NELL1: variants seen among roughly 807,000 people sequenced by gnomAD.
NELL1 encodes the protein protein kinase C-binding protein NELL1.
Under a neutral mutation model 107.4 loss-of-function variants are expected in NELL1, and 76 were observed. The ratio of observed to expected loss-of-function variants is 0.71; its 90% CI spans 0.59 to 0.86. The LOEUF (loss-of-function observed/expected upper bound fraction) is 0.86, where lower values mean the gene tolerates loss of function less well. NELL1 is among the 40% of genes least tolerant of loss of function. The probability of loss-of-function intolerance (pLI) is 0.00; values close to 1 mark genes in which losing one functional copy is unlikely to be tolerated. For synonymous variants in NELL1, 353 were observed against 341.2 expected, an observed-to-expected ratio of 1.03 and a Z score of -0.38; for missense variants, 1,024 against 1,005.5, an observed-to-expected ratio of 1.02 and a Z score of -0.25.
rs533321510 is a variant in NELL1 at position 20,672,432 on chromosome 11, C to G, written c.55+2654C>G. 8.5e-5 allele frequency among the ~76,000 whole-genome samples: 13 copies of G among 152,304 alleles called. No individual in the cohort carries two copies. The East Asian group carries it at 2.5e-3, about 29-fold the overall frequency. On this transcript the variant is annotated intron_variant, in intron 1 of 19. Transcript: ENST00000357134. ...GATATCAGGCACATTTTAATTAAAGCAAGACTGCAGTGCAGACACAGTTGC... is the reference window on the plus strand; with the variant it reads ...GATATCAGGCACATTTTAATTAAAGGAAGACTGCAGTGCAGACACAGTTGC...
intron 3 of NELL1, among the ~76,000 whole-genome samples, chr11:20,809,083 C>T (rs796926251): frequency 6.6e-6 from 1 of 152,112 alleles, no homozygotes; most frequent in Non-Finnish European, 1.5e-5. Flanking sequence ...TCTTGCTTCA[C>T]CTCCTCCTGA....
At chr11:21,182,557 A>C (rs1856850984) in intron 13 of NELL1, among the ~76,000 whole-genome samples, 1 of 151,898 alleles carries the variant, frequency 6.6e-6, no homozygotes, top group African/African-American at 2.4e-5. Context: ...ATATAACTAC[A>C]TATTAAAGAA....
chr11:21,493,912 G>A (rs992508722), intron 15 of NELL1, among the ~76,000 whole-genome samples: 1 of 151,896 alleles, frequency 6.6e-6, no homozygotes, highest in Admixed American at 6.6e-5. Flanking sequence ...ATATGCCGTG[G>A]TGTGGATCTA....
intron 15 of NELL1, among the ~76,000 whole-genome samples, chr11:21,416,908 C>G (rs189486220): frequency 3.7e-4 from 57 of 152,106 alleles, no homozygotes; most frequent in African/African-American, 1.3e-3. Context: ...TATCCTGTCT[C>G]AAGTTCATGA....
In NELL1 at chr11:21,573,193, G is replaced by A; in HGVS notation, c.2166G>A (p.Glu722=). ...SCQQCRCLEG[E]VDCWPLTCPN... ...TTGCTTTTCCTCTACAGGAAGGAGA[G>A]GTAGATTGCTGGCCACTCACTTGCC... Residue 722 remains glutamate (E), a synonymous_variant, in exon 19 of 20, where the codon GAG becomes GAA. Coordinates refer to ENST00000357134, the MANE Select transcript of NELL1 (RefSeq NM_006157.5). 1 of 1,611,578 alleles carries A rather than the reference G, an allele frequency of 6.2e-7. No homozygotes were observed. Among genetic ancestry groups the A allele is most frequent in the Non-Finnish European group, 8.5e-7 (1 of 1,178,398 alleles).
chr11:21,314,162 T>C (rs1411902674), intron 14 of NELL1, among the ~76,000 whole-genome samples: 2 of 151,980 alleles, frequency 1.3e-5, no homozygotes, highest in African/African-American at 4.8e-5. Context: ...AAACCTCTTT[T>C]CTTATAAATT....
At chr11:21,139,736 G>A (rs1281472052) in intron 13 of NELL1, among the ~76,000 whole-genome samples, 1 of 152,176 alleles carries the variant, frequency 6.6e-6, no homozygotes, top group African/African-American at 2.4e-5. Context: ...GGGTACTGTG[G>A]TAGATGCTAA....
intron 15 of NELL1, 86 bp from the exon 16 acceptor site, chr11:21,534,288 A>G: frequency 1.4e-6 from 2 of 1,476,602 alleles, no homozygotes; most frequent in African/African-American, 2.8e-5. Flanking sequence ...TGATATGTTG[A>G]CATGAGCATG....
chr11:20,806,278 GTGTGTGTT>G (rs945408084), intron 3 of NELL1, among the ~76,000 whole-genome samples: 5 of 150,266 alleles, frequency 3.3e-5, no homozygotes, highest in African/African-American at 4.9e-5. Flanking sequence ...GTGTGTGTGT[GTGTGTGTT>G]TGTGTTTGTG....
intron 15 of NELL1, among the ~76,000 whole-genome samples, chr11:21,406,242 C>A (rs966829769): frequency 1.3e-5 from 2 of 151,970 alleles, no homozygotes; most frequent in African/African-American, 4.8e-5. Flanking sequence ...TCTTCAGTCA[C>A]TTGCTTTTAT....
intron 14 of NELL1, among the ~76,000 whole-genome samples, chr11:21,327,426 ATG>A (rs1308474708): frequency 6.6e-6 from 1 of 152,042 alleles, no homozygotes; most frequent in Admixed American, 6.6e-5. Flanking sequence ...GTGAAGAAGG[ATG>A]TGTTTCCTTC....
At chr11:20,893,467 C>T (rs1849661190) in intron 5 of NELL1, among the ~76,000 whole-genome samples, 1 of 151,188 alleles carries the variant, frequency 6.6e-6, no homozygotes, top group Non-Finnish European at 1.5e-5. Flanking sequence ...TTAAAGTGTT[C>T]TAAGGCCTGA....
intron 2 of NELL1, among the ~76,000 whole-genome samples, chr11:20,680,585 A>T (rs936326693): frequency 2.0e-5 from 3 of 152,132 alleles, no homozygotes; most frequent in Non-Finnish European, 4.4e-5. Context: ...TTCTGTTCCA[A>T]AGGAAGGAAA....
In NELL1 at chr11:21,125,119, G is replaced by A. The variant is rs1855459241; in HGVS notation, c.1426+11405G>A. Among the ~76,000 whole-genome samples the A allele has an allele frequency of 2.0e-5, 3 of 152,118 alleles. No homozygotes were observed. The South Asian group carries it at 6.2e-4, about 32-fold the overall frequency. On this transcript the variant is annotated intron_variant, in intron 13 of 19. Transcript: ENST00000357134. ...TCCTGGCAGCTGATCTGATAGTGGA[G>A]TCCTACCACACTACCTCTCATAAGC...
intron 12 of NELL1, among the ~76,000 whole-genome samples, chr11:21,105,851 CTCTCTCCCCTCCCCCTCCCCTTCCT>C (rs1565062723): frequency 3.8e-4 from 3 of 7,840 alleles, no homozygotes; most frequent in Non-Finnish European, 7.5e-4. Context: ...CCTCCCTTCC[CTCTCTCCCCTCCCCCTCCCCTTCCT>C]CTCTCCTCTC....
chr11:21,296,285 A>G (rs945123618), intron 14 of NELL1, among the ~76,000 whole-genome samples: 1 of 151,954 alleles, frequency 6.6e-6, no homozygotes, highest in Non-Finnish European at 1.5e-5. Context: ...AATTATCTGG[A>G]GAATAAATTT....
intron 11 of NELL1, among the ~76,000 whole-genome samples, chr11:20,948,704 G>A (rs992293685): frequency 2.1e-5 from 3 of 142,522 alleles, no homozygotes; most frequent in African/African-American, 7.9e-5. Flanking sequence ...CTTCCTCTCT[G>A]CAGCTTCTCA....
intron 12 of NELL1, among the ~76,000 whole-genome samples, chr11:20,996,807 T>G (rs1321115938): frequency 7.2e-5 from 11 of 152,170 alleles, no homozygotes; most frequent in Admixed American, 3.9e-4. Context: ...CTAGGGTTTT[T>G]ATCTTCCCGA....
intron 12 of NELL1, among the ~76,000 whole-genome samples, chr11:21,029,893 T>C (rs1465326829): frequency 6.6e-6 from 1 of 152,206 alleles, no homozygotes; most frequent in East Asian, 1.9e-4. Flanking sequence ...ATTAACCACT[T>C]TTATTTTGAT....
Sources: allele counts gnomAD v4.1 joint callset (sites outside exome capture counted in the v4.1 genomes callset), GRCh38; gene constraint gnomAD v4.1.1; transcripts MANE v1.5; gene names NCBI Gene and HGNC (gene_info 2026-07-23, HGNC 2026-07-21).